The following ZNF143 variants were observed in gnomAD, a reference collection of about 807,000 sequenced individuals.
ZNF143 encodes zinc finger protein 143.
A neutral mutation model predicts 74.1 loss-of-function variants in ZNF143; 49 were observed. That is an observed-to-expected ratio of 0.66 (90% CI 0.53 to 0.84). The LOEUF is 0.84. ZNF143 is among the 40% of genes least tolerant of loss of function. The pLI is 0.00. For synonymous variants in ZNF143, 304 were observed against 282.8 expected, an observed-to-expected ratio of 1.07 and a Z score of -0.75; for missense variants, 637 against 793.4, an observed-to-expected ratio of 0.80 and a Z score of 2.37.
intron 7 of ZNF143, among the ~76,000 whole-genome samples, chr11:9,494,391 G>T (rs1160277642): frequency 6.6e-6 from 1 of 152,128 alleles, no homozygotes; most frequent in Admixed American, 6.6e-5. Context: ...CTGCAGCCTT[G>T]ACCTCCCCGG....
At chr11:9,526,431 T>C (rs1311223575) in intron 15 of ZNF143, among the ~76,000 whole-genome samples, 1 of 152,142 alleles carries the variant, frequency 6.6e-6, no homozygotes, top group African/African-American at 2.4e-5. Context: ...GGAGATTTTT[T>C]TTCCGCCCAC....
chr11:9,461,236 C>T (rs942291739), intron 1 of ZNF143, among the ~76,000 whole-genome samples, 160 bp downstream of exon 1: 24 of 152,130 alleles, frequency 1.6e-4, no homozygotes, highest in Non-Finnish European at 3.5e-4. Context: ...GCGGTAGCGG[C>T]GTCTGGGCAG....
chr11:9,462,938 A>C (rs1040906034), intron 1 of ZNF143, among the ~76,000 whole-genome samples: 5 of 152,050 alleles, frequency 3.3e-5, no homozygotes, highest in African/African-American at 9.7e-5. Context: ...TCAATTTAGC[A>C]ACATATCACC....
intron 1 of ZNF143, among the ~76,000 whole-genome samples, chr11:9,465,839 G>C (rs1856177203): frequency 6.6e-6 from 1 of 150,850 alleles, no homozygotes. Context: ...TTCTTTTTTT[G>C]CTTTTGGGAG....
At chr11:9,525,882 C>G (rs1049684180) in intron 15 of ZNF143, among the ~76,000 whole-genome samples, 1 of 152,144 alleles carries the variant, frequency 6.6e-6, no homozygotes, top group African/African-American at 2.4e-5. Flanking sequence ...TGGCTCATCC[C>G]TATAATCCTA....
At chr11:9,466,582 C>T (rs537636958) in intron 1 of ZNF143, among the ~76,000 whole-genome samples, 30 of 152,148 alleles carry the variant, frequency 2.0e-4, no homozygotes, top group African/African-American at 7.0e-4. Flanking sequence ...AGATGTGAGC[C>T]ACCACTCCCG....
intron 14 of ZNF143, among the ~76,000 whole-genome samples, chr11:9,519,781 T>C (rs1042867099): frequency 3.9e-5 from 6 of 152,196 alleles, no homozygotes; most frequent in Admixed American, 1.3e-4. Flanking sequence ...CATATTTACC[T>C]TTCTATGATA....
intron 13 of ZNF143, among the ~76,000 whole-genome samples, chr11:9,513,766 T>G (rs1848633115): frequency 6.6e-6 from 1 of 152,130 alleles, no homozygotes; most frequent in South Asian, 2.1e-4. Flanking sequence ...GTGGTGGCGC[T>G]CTCGTGTAGT....
At chr11:9,494,059 A>T (rs1847876216) in intron 7 of ZNF143, among the ~76,000 whole-genome samples, 1 of 152,288 alleles carries the variant, frequency 6.6e-6, no homozygotes, top group South Asian at 2.1e-4. Flanking sequence ...TCCAGTGAAG[A>T]TGCTACTTAG....
chr11:9,527,570 C>G lies in ZNF143; in HGVS notation c.1874C>G (p.Ala625Gly). Residue 625 changes from alanine (A) to glycine (G), a missense_variant, in exon 16 of 16, where the codon GCG (alanine) becomes GGG (glycine). Physicochemically the swap from Ala to Gly is moderately conservative, Grantham distance 60. Coordinates refer to ENST00000396602, the MANE Select transcript of ZNF143 (RefSeq NM_003442.6). ...TCTCTGGAAGAAGCCATCAGAATAG[C>G]GTCTAGAATCCAACAAGGAGAAACG... ...QPSLEEAIRI[A>G]SRIQQGETPG... The G allele has an allele frequency of 6.2e-7, 1 of 1,614,018 alleles. No individual in the cohort carries two copies.
Position 9,504,559 on chromosome 11 carries a change from G to C in ZNF143, c.1147+3289G>C, listed in dbSNP as rs141084974. Among the ~76,000 whole-genome samples the C allele has an allele frequency of 2.1e-4, 26 of 126,012 alleles. 2 individuals carry two copies. Among genetic ancestry groups the C allele is most frequent in the African/African-American group, 6.6e-4 (26 of 39,226 alleles). The allele number at this position is 126,012 out of a possible 152,430, so 82.7% of individuals were successfully genotyped here. On this transcript the variant is annotated intron_variant, in intron 11 of 15. Coordinates refer to ENST00000396602, the MANE Select transcript of ZNF143 (RefSeq NM_003442.6). ...TGAGAATGGAAAGGCAAATGTGAGC[G>C]TAAGGCAGGATATGCATTAGTTTTA...
Position 9,497,730 on chromosome 11 carries a change from T to A in ZNF143, c.897T>A (p.Cys299Ter). 1 of 1,611,068 alleles carries A rather than the reference T, an allele frequency of 6.2e-7. No individual in the cohort carries two copies. Among genetic ancestry groups the A allele is most frequent in the Non-Finnish European group, 8.5e-7 (1 of 1,177,468 alleles). Residue 299 changes from cysteine to a stop codon, truncating the protein, a stop_gained, in exon 10 of 16, where the codon TGT becomes TGA. Coordinates refer to ENST00000396602, the MANE Select transcript of ZNF143 (RefSeq NM_003442.6). LOFTEE classifies it high-confidence loss of function. ...ATACAGGAGAAAAGCCATATCGGTG[T>A]TCGGAAGATAATTGTACTAAATCTT... The part of the protein sequence containing the change: ...RTHTGEKPYR[C>*]SEDNCTKSFK...
Position 9,496,355 on chromosome 11 carries a change from G to T in ZNF143, c.818G>T (p.Gly273Val). Residue 273 changes from glycine to valine, a missense_variant, in exon 9 of 16, where the codon GGC (glycine) becomes GTC (valine). Coordinates refer to ENST00000396602, the MANE Select transcript of ZNF143 (RefSeq NM_003442.6). ...GDRPYQCEHA[G>V]CGKAFATGYG... ...CGGCCTTATCAGTGTGAGCATGCAGGCTGTGGGAAGGCATTTGCAACAGGT... is the reference window on the plus strand; with the variant it reads ...CGGCCTTATCAGTGTGAGCATGCAGTCTGTGGGAAGGCATTTGCAACAGGT... The T allele has an allele frequency of 6.2e-7, 1 of 1,614,090 alleles. No homozygotes were observed. Among genetic ancestry groups the T allele is most frequent in the Non-Finnish European group, 8.5e-7 (1 of 1,180,014 alleles).
Position 9,497,669 on chromosome 11 carries a change from T to G in ZNF143, c.842-6T>G. ...TAATTAAATTTCTTTTAATTTTTTC[T>G]TAAAGGTTATGGATTAAAAAGTCAC... is the stretch of plus-strand genomic sequence containing the variant. On this transcript the variant is annotated splice_region_variant and splice_polypyrimidine_tract_variant and intron_variant, in intron 9 of 15. Coordinates refer to ENST00000396602, the MANE Select transcript of ZNF143 (RefSeq NM_003442.6). 6.3e-7 allele frequency: 1 copy of G among 1,583,560 alleles called. No homozygotes were observed. The highest frequency in any genetic ancestry group is 8.6e-7 in the Non-Finnish European group (1 of 1,163,200).
chr11:9,518,878 C>G (rs902177161), intron 14 of ZNF143, among the ~76,000 whole-genome samples: 1 of 152,098 alleles, frequency 6.6e-6, no homozygotes, highest in Non-Finnish European at 1.5e-5. Context: ...TTTCACTGTA[C>G]TCTTGCATTG....
chr11:9,514,382 A>G (rs577261294), intron 13 of ZNF143, among the ~76,000 whole-genome samples: 2 of 152,236 alleles, frequency 1.3e-5, no homozygotes, highest in East Asian at 3.9e-4. Flanking sequence ...CATTCCTTTC[A>G]TCAGTCAAAT....
chr11:9,476,278 A>G (rs1032211497), intron 5 of ZNF143, among the ~76,000 whole-genome samples: 1 of 152,184 alleles, frequency 6.6e-6, no homozygotes, highest in African/African-American at 2.4e-5. Context: ...AGAATGCACA[A>G]ACATGTAAAG....
chr11:9,466,788 T>C (rs1208289495), intron 1 of ZNF143, among the ~76,000 whole-genome samples: 1 of 152,154 alleles, frequency 6.6e-6, no homozygotes, highest in Non-Finnish European at 1.5e-5. Flanking sequence ...AATAGCTGAC[T>C]GTTTTTAGAC....
At chr11:9,486,412 A>ATATATATAATATATT in intron 7 of ZNF143, among the ~76,000 whole-genome samples, 1 of 19,320 alleles carries the variant, frequency 5.2e-5, no homozygotes, top group East Asian at 1.1e-3. Flanking sequence ...TTATATATAT[A>ATATATATAATATATT]ATATATATTA....
Sources: allele counts gnomAD v4.1 joint callset (sites outside exome capture counted in the v4.1 genomes callset), GRCh38; gene constraint gnomAD v4.1.1; transcripts MANE v1.5; gene names NCBI Gene and HGNC (gene_info 2026-07-23, HGNC 2026-07-21).